LRRC3B: variants seen among roughly 807,000 people sequenced by gnomAD.
LRRC3B encodes the protein leucine rich repeat containing 3B.
Under a neutral mutation model 12.8 loss-of-function variants are expected in LRRC3B, and 2 were observed. The observed-to-expected ratio is 0.16, with a 90% CI of 0.06 to 0.49. The LOEUF (loss-of-function observed/expected upper bound fraction) is 0.49. Among genes scored for constraint, LRRC3B ranks in the 20% least tolerant of loss-of-function variants. The pLI is 0.96. For synonymous variants in LRRC3B, 132 were observed against 122.0 expected, an observed-to-expected ratio of 1.08 and a Z score of -0.54; for missense variants, 189 against 319.4, an observed-to-expected ratio of 0.59 and a Z score of 3.11.
chr3:26,636,843 TCCCTC>T, intron 1 of LRRC3B, among the ~76,000 whole-genome samples: 1 of 75,312 alleles, frequency 1.3e-5, no homozygotes, highest in Non-Finnish European at 2.3e-5. Context: ...CCTCCCTGCC[TCCCTC>T]CCTCCCTCCC....
intron 1 of LRRC3B, among the ~76,000 whole-genome samples, chr3:26,695,613 T>C (rs1700296821): frequency 6.6e-6 from 1 of 152,220 alleles, no homozygotes; most frequent in Admixed American, 6.5e-5. Context: ...TATACATGTG[T>C]TTGCACAGTT....
intron 1 of LRRC3B, among the ~76,000 whole-genome samples, chr3:26,695,574 T>G (rs1413799573): frequency 6.6e-6 from 1 of 152,144 alleles, no homozygotes; most frequent in Non-Finnish European, 1.5e-5. Context: ...TTTTTTGCTG[T>G]AACAGACAGT....
intron 1 of LRRC3B, among the ~76,000 whole-genome samples, chr3:26,706,474 A>AAAC (rs1318261348): frequency 6.6e-6 from 1 of 152,188 alleles, no homozygotes; most frequent in African/African-American, 2.4e-5. Flanking sequence ...ATAGAAAATG[A>AAAC]AACAGTTCAA....
At chr3:26,699,131 G>A (rs1489877725) in intron 1 of LRRC3B, among the ~76,000 whole-genome samples, 1 of 152,028 alleles carries the variant, frequency 6.6e-6, no homozygotes, top group Non-Finnish European at 1.5e-5. Context: ...GAATTGGTCT[G>A]ATGCTTTCCT....
At chr3:26,665,553 A>G (rs1699581140) in intron 1 of LRRC3B, among the ~76,000 whole-genome samples, 1 of 152,146 alleles carries the variant, frequency 6.6e-6, no homozygotes, top group African/African-American at 2.4e-5. Flanking sequence ...TTCGGTATTG[A>G]CAAGTATAGA....
intron 1 of LRRC3B, among the ~76,000 whole-genome samples, chr3:26,703,016 C>G (rs1255329084): frequency 6.6e-6 from 1 of 152,076 alleles, no homozygotes; most frequent in Non-Finnish European, 1.5e-5. Flanking sequence ...AAGTCCATGG[C>G]AGAACTCAGT....
At chr3:26,710,683 C>A (rs888340862) in exon 2 of LRRC3B, 1 of 412,090 alleles carries the variant, frequency 2.4e-6, no homozygotes, top group Non-Finnish European at 4.5e-6. Flanking sequence ...AAGCTACTAT[C>A]TGAACATTAG....
At chr3:26,676,631 A>G (rs556675691) in intron 1 of LRRC3B, among the ~76,000 whole-genome samples, 22 of 152,296 alleles carry the variant, frequency 1.4e-4, no homozygotes, top group African/African-American at 4.6e-4. Context: ...ACACTTTTAC[A>G]TGGTTGGTGG....
chr3:26,657,489 T>C (rs191908978), intron 1 of LRRC3B, among the ~76,000 whole-genome samples: 7 of 152,316 alleles, frequency 4.6e-5, no homozygotes, highest in Non-Finnish European at 8.8e-5. Context: ...CTCTTACAAC[T>C]CCCATGTCTC....
chr3:26,668,227 G>C (rs1211629430), intron 1 of LRRC3B, among the ~76,000 whole-genome samples: 1 of 152,152 alleles, frequency 6.6e-6, no homozygotes, highest in African/African-American at 2.4e-5. Context: ...GATGTGCTCT[G>C]AGAAATGACT....
At chr3:26,694,715 T>G (rs981840253) in intron 1 of LRRC3B, 64 of 152,234 alleles carry the variant, frequency 4.2e-4, no homozygotes, top group Admixed American at 4.2e-3. Flanking sequence ...CTGGATGATT[T>G]CTGTACATTT....
intron 1 of LRRC3B, among the ~76,000 whole-genome samples, chr3:26,637,801 A>G (rs1211263929): frequency 6.6e-6 from 1 of 152,222 alleles, no homozygotes; most frequent in Non-Finnish European, 1.5e-5. Flanking sequence ...ATCTCACAGA[A>G]TTTACAACAT....
At chr3:26,705,419 C>G (rs144054180) in intron 1 of LRRC3B, among the ~76,000 whole-genome samples, 3 of 151,774 alleles carry the variant, frequency 2.0e-5, no homozygotes, top group Admixed American at 6.6e-5. Flanking sequence ...TCCAGTGAGT[C>G]GAGATTTGCA....
intron 1 of LRRC3B, among the ~76,000 whole-genome samples, chr3:26,654,186 G>T (rs1678866406): frequency 6.6e-6 from 1 of 152,216 alleles, no homozygotes. Flanking sequence ...TGCTGAAGTG[G>T]CTGTTTAAGT....
chr3:26,697,404 G>T (rs1700344251), intron 1 of LRRC3B, among the ~76,000 whole-genome samples: 2 of 151,892 alleles, frequency 1.3e-5, no homozygotes, highest in South Asian at 4.2e-4. Context: ...TTCTGTGTTA[G>T]ATCTCCCTCT....
intron 1 of LRRC3B, among the ~76,000 whole-genome samples, chr3:26,690,687 G>A (rs1458894678): frequency 6.6e-6 from 1 of 151,820 alleles, no homozygotes; most frequent in Non-Finnish European, 1.5e-5. Flanking sequence ...TTTTGTTCTT[G>A]GGGGTTTCCT....
At chr3:26,651,662 C>A (rs943083931) in intron 1 of LRRC3B, among the ~76,000 whole-genome samples, 6 of 152,204 alleles carry the variant, frequency 3.9e-5, no homozygotes, top group Admixed American at 6.5e-5. Context: ...CATTTCATCT[C>A]TTCTCTCTGG....
At chr3:26,659,167 A>G (rs1411955187) in intron 1 of LRRC3B, among the ~76,000 whole-genome samples, 10 of 152,244 alleles carry the variant, frequency 6.6e-5, no homozygotes, top group African/African-American at 2.4e-4. Flanking sequence ...TTTTATCTTC[A>G]TAACAATCCT....
intron 1 of LRRC3B, among the ~76,000 whole-genome samples, chr3:26,697,302 T>C (rs548239651): frequency 1.3e-5 from 2 of 152,320 alleles, no homozygotes; most frequent in African/African-American, 4.8e-5. Context: ...AATCCATTGC[T>C]TGCAACTTTT....
Sources: gnomAD v4.1 joint callset for allele counts (sites outside exome capture counted in the v4.1 genomes callset) on GRCh38, gnomAD v4.1.1 for gene constraint, MANE v1.5 for transcripts, NCBI Gene and HGNC (gene_info 2026-07-23, HGNC 2026-07-21) for gene names.